Variants in DPH6 observed in about 807,000 individuals in gnomAD.
DPH6 encodes diphthine--ammonia ligase.
In DPH6, 33 loss-of-function variants were observed where a neutral mutation model predicts 38.2. That is an observed-to-expected ratio of 0.86 (90% CI 0.65 to 1.15). The LOEUF (loss-of-function observed/expected upper bound fraction) is 1.15. Ranked by LOEUF, DPH6 falls within the 50% of genes most tolerant of loss-of-function variation. The pLI, the probability that DPH6 is intolerant of heterozygous loss-of-function variation, is 0.00. For synonymous variants in DPH6, 108 were observed against 103.0 expected (o/e 1.05, Z -0.30); for missense variants, 325 against 320.0 (o/e 1.02, Z -0.12).
intron 3 of DPH6, among the ~76,000 whole-genome samples, chr15:35,473,957 T>TGTGTGTGTGTGTGC (rs1480867662): frequency 7.8e-5 from 3 of 38,544 alleles, no homozygotes; most frequent in South Asian, 4.6e-3. Flanking sequence ...TGTGTGTGTG[T>TGTGTGTGTGTGTGC]GCGCGCGCGC....
At chr15:35,162,373 T>C in the DPH6 span, among the ~76,000 whole-genome samples, 8 of 151,908 alleles carry the variant, frequency 5.3e-5, no homozygotes, top group African/African-American at 9.7e-5. Context: ...CTGGCCACTG[T>C]TTATATCTCC....
intron 3 of DPH6, among the ~76,000 whole-genome samples, chr15:35,337,201 C>T (rs2052379970): frequency 6.6e-6 from 1 of 152,128 alleles, no homozygotes; most frequent in African/African-American, 2.4e-5. Flanking sequence ...AGGAATTTAT[C>T]CATTTCTTTT....
intron 3 of DPH6, chr15:35,490,077 C>G (rs919457918): frequency 1.0e-6 from 1 of 985,280 alleles, no homozygotes; most frequent in Non-Finnish European, 1.2e-6. Context: ...TATCTTCTTA[C>G]TTGGCCTAAA....
intron 3 of DPH6, among the ~76,000 whole-genome samples, chr15:35,340,331 A>G (rs2052411006): frequency 6.6e-6 from 1 of 152,160 alleles, no homozygotes; most frequent in Admixed American, 6.6e-5. Flanking sequence ...CTGTTTGTCC[A>G]ACTTGCCATT....
In DPH6 at chr15:35,372,107, G is replaced by T. The variant is rs1339795168; in HGVS notation, c.*43C>A. ...TGAGAAAATACTATGCAATTTTTTTGTATAGAAATGGTGGTTTAATGAACA... is the reference window on the plus strand; with the variant it reads ...TGAGAAAATACTATGCAATTTTTTTTTATAGAAATGGTGGTTTAATGAACA... On this transcript the variant is annotated 3_prime_UTR_variant, in exon 9 of 9. Transcript: ENST00000256538. The T allele has an allele frequency of 2.0e-6, 3 of 1,485,814 alleles. No individual in the cohort carries two copies. The highest frequency in any genetic ancestry group is 2.7e-6 in the Non-Finnish European group (3 of 1,121,940). The allele number at this position is 1,485,814 out of a possible 1,614,324, so 92.0% of individuals were successfully genotyped here.
At chr15:35,362,238 G>A (rs1370157382) in intron 3 of DPH6, among the ~76,000 whole-genome samples, 1 of 152,128 alleles carries the variant, frequency 6.6e-6, no homozygotes, top group African/African-American at 2.4e-5. Flanking sequence ...ACTCTGTAGA[G>A]TGTCTGTCTG....
At chr15:35,177,951 A>C in the DPH6 span, among the ~76,000 whole-genome samples, 1 of 149,948 alleles carries the variant, frequency 6.7e-6, no homozygotes, top group Non-Finnish European at 1.5e-5. Context: ...TCAAAAAAAA[A>C]ATAATAATAA....
intron 5 of DPH6, among the ~76,000 whole-genome samples, chr15:35,427,643 A>G (rs1350236126): frequency 6.6e-6 from 1 of 151,868 alleles, no homozygotes; most frequent in African/African-American, 2.4e-5. Context: ...GTTTCTCTCC[A>G]TCCTATTAAA....
In DPH6 at chr15:35,371,482, T is replaced by C; in HGVS notation, c.*668A>G. The C allele has an allele frequency of 1.4e-6, 1 of 737,296 alleles. No homozygotes were observed. Among genetic ancestry groups the C allele is most frequent in the Non-Finnish European group, 1.7e-6 (1 of 603,990 alleles). The allele number at this position is 737,296 out of a possible 1,614,324, so 45.7% of individuals were successfully genotyped here. On this transcript the variant is annotated 3_prime_UTR_variant, in exon 9 of 9. Transcript: ENST00000256538. ...GAGGGTATATGGGAAATCTCTGCAT[T>C]TTCTGCTCCATTTTTGCTGTGAACC...
intron 5 of DPH6, among the ~76,000 whole-genome samples, chr15:35,414,308 T>TTTG (rs752698857): frequency 2.0e-5 from 3 of 151,736 alleles, no homozygotes; most frequent in Non-Finnish European, 4.4e-5. Context: ...ACTTTTGGCA[T>TTTG]TTGTTGTTCC....
At chr15:35,356,374 TC>T (rs2052560288) in intron 3 of DPH6, among the ~76,000 whole-genome samples, 1 of 152,240 alleles carries the variant, frequency 6.6e-6, no homozygotes, top group African/African-American at 2.4e-5. Context: ...TTTTAGAGTT[TC>T]CAGTTTTTCT....
At chr15:35,365,587 T>C (rs1451819153) in intron 3 of DPH6, among the ~76,000 whole-genome samples, 2 of 152,098 alleles carry the variant, frequency 1.3e-5, no homozygotes, top group Admixed American at 6.6e-5. Flanking sequence ...AGACAGTCAA[T>C]TGGAGTTTGG....
chr15:35,484,233 T>C (rs1267555062), intron 3 of DPH6, among the ~76,000 whole-genome samples: 1 of 152,222 alleles, frequency 6.6e-6, no homozygotes. Context: ...TAGCAATATA[T>C]TGATAATTTT....
chr15:35,340,857 G>A (rs879423819), intron 3 of DPH6, among the ~76,000 whole-genome samples: 1 of 151,934 alleles, frequency 6.6e-6, no homozygotes, highest in African/African-American at 2.4e-5. Context: ...TATGTGTCTG[G>A]GGATTGATCT....
At chr15:35,187,639 C>G in the DPH6 span, among the ~76,000 whole-genome samples, 2 of 152,084 alleles carry the variant, frequency 1.3e-5, no homozygotes, top group African/African-American at 4.8e-5. Flanking sequence ...AATTGAATTA[C>G]AAGTTTAAAA....
chr15:35,149,587 C>T, the DPH6 span, among the ~76,000 whole-genome samples: 1 of 152,302 alleles, frequency 6.6e-6, no homozygotes, highest in South Asian at 2.1e-4. Context: ...ACCACACGGG[C>T]CTTCCTCACT....
chr15:35,262,087 T>C (rs2051750923), intron 3 of DPH6, among the ~76,000 whole-genome samples: 1 of 152,178 alleles, frequency 6.6e-6, no homozygotes, highest in Non-Finnish European at 1.5e-5. Context: ...TTCTGTGCAA[T>C]ACAACCAATG....
chr15:35,425,143 C>A (rs193007546), intron 5 of DPH6, among the ~76,000 whole-genome samples: 1 of 151,444 alleles, frequency 6.6e-6, no homozygotes, highest in Admixed American at 6.6e-5. Flanking sequence ...TATAACATAC[C>A]CTTGCTCCAA....
At chr15:35,223,103 G>C (rs2051453252) in intron 3 of DPH6, among the ~76,000 whole-genome samples, 1 of 152,144 alleles carries the variant, frequency 6.6e-6, no homozygotes, top group Non-Finnish European at 1.5e-5. Context: ...CAGGGTACTT[G>C]ACTGGGTAAT....
Sources: gnomAD v4.1 joint callset for allele counts (sites outside exome capture counted in the v4.1 genomes callset) on GRCh38, gnomAD v4.1.1 for gene constraint, MANE v1.5 for transcripts, NCBI Gene and HGNC (gene_info 2026-07-23, HGNC 2026-07-21) for gene names.